The following FGF21 variants were observed in gnomAD, a reference collection of about 807,000 sequenced individuals.
The protein encoded by FGF21 is fibroblast growth factor 21.
FGF21 carries 13 observed loss-of-function variants against 13.4 expected under a neutral mutation model. The observed-to-expected ratio is 0.97, with a 90% CI of 0.63 to 1.54. The LOEUF (loss-of-function observed/expected upper bound fraction) is 1.54, where lower values mean the gene tolerates loss of function less well. Ranked by LOEUF, FGF21 falls within the 40% of genes most tolerant of loss-of-function variation. The pLI, the probability that FGF21 is intolerant of heterozygous loss-of-function variation, is 0.00. For synonymous variants in FGF21, 124 were observed against 123.6 expected, an observed-to-expected ratio of 1.00 and a Z score of -0.02; for missense variants, 303 against 272.4, an observed-to-expected ratio of 1.11 and a Z score of -0.79.
Position 48,758,306 on chromosome 19 carries a change from A to C in FGF21, c.*86A>C. The C allele has an allele frequency of 8.0e-7, 1 of 1,247,136 alleles. No homozygotes were observed. The highest frequency in any genetic ancestry group is 1.1e-6 in the Non-Finnish European group (1 of 927,246). 77.3% of individuals were successfully genotyped at this position (1,247,136 alleles called of 1,614,324 possible). On this transcript the variant is annotated 3_prime_UTR_variant, in exon 4 of 4. Transcript: ENST00000593756. Reference sequence around the variant, plus strand: ...TTTTTTTATTTTTCTTACTTGAGATAATAAAGAGTTCCAGAGGAGGATAAG... The same window carrying C: ...TTTTTTTATTTTTCTTACTTGAGATCATAAAGAGTTCCAGAGGAGGATAAG...
chr19:48,758,188 T>G lies in FGF21; in HGVS notation c.598T>G (p.Ser200Ala). Residue 200 changes from serine (S) to alanine (A), a missense_variant, in exon 4 of 4, where the codon TCC becomes GCC. Coordinates refer to ENST00000593756, the MANE Select transcript of FGF21 (RefSeq NM_019113.4). ...GGACCCTCTGAGCATGGTGGGACCT[T>G]CCCAGGGCCGAAGCCCCAGCTACGC... ...SSDPLSMVGP[S>A]QGRSPSYAS 2 of 1,611,464 alleles carry G rather than the reference T, an allele frequency of 1.2e-6. No homozygotes were observed. Among genetic ancestry groups the G allele is most frequent in the Non-Finnish European group, 1.7e-6 (2 of 1,179,274 alleles).
chr19:48,758,188 TCCCAGGGCC>T lies in FGF21; in HGVS notation c.599_607del (p.Ser200_Arg203delinsTer). 6.2e-7 allele frequency: 1 copy of T among 1,611,464 alleles called. No homozygotes were observed. On this transcript the variant is annotated stop_gained and inframe_deletion, in exon 4 of 4. Transcript: ENST00000593756. LOFTEE classifies it high-confidence loss of function. ...GGACCCTCTGAGCATGGTGGGACCTTCCCAGGGCCGAAGCCCCAGCTACGCTTCCTGAAG... is the reference window on the plus strand; with the variant it reads ...GGACCCTCTGAGCATGGTGGGACCTTGAAGCCCCAGCTACGCTTCCTGAAG...
intron 3 of FGF21, among the ~76,000 whole-genome samples, chr19:48,757,438 G>C (rs2034124278): frequency 6.6e-6 from 1 of 152,228 alleles, no homozygotes; most frequent in South Asian, 2.1e-4. Flanking sequence ...TGGCCTGAGA[G>C]AGCACTGATG....
rs1173924254 is a variant in FGF21, at chr19:48,758,182, G to C, written c.592G>C (p.Gly198Arg). The C allele has an allele frequency of 6.2e-7, 1 of 1,612,424 alleles. No individual in the cohort carries two copies. Among genetic ancestry groups the C allele is most frequent in the South Asian group, 1.1e-5 (1 of 91,038 alleles). ...VGSSDPLSMV[G>R]PSQGRSPSYA... The stretch of plus-strand genomic sequence containing the variant: ...CTCCTCGGACCCTCTGAGCATGGTG[G>C]GACCTTCCCAGGGCCGAAGCCCCAG... The change falls in exon 4 of 4, where the codon GGA (glycine) becomes CGA (arginine). Residue 198 changes from glycine to arginine, a missense_variant. Gly to Arg is a moderately radical substitution (Grantham distance 125). Coordinates refer to ENST00000593756, the MANE Select transcript of FGF21 (RefSeq NM_019113.4).
In FGF21 at chr19:48,758,118, G is replaced by T; in HGVS notation, c.528G>T (p.Glu176Asp). Residue 176 changes from glutamate to aspartate, a missense_variant, in exon 4 of 4, where the codon GAG becomes GAT. Transcript: ENST00000593756. ...CAGGCCTGCCCCCCGCACTCCCGGA[G>T]CCACCCGGAATCCTGGCCCCCCAGC... ...PLPGLPPALPEPPGILAPQPP... is the reference protein window; with the variant it reads ...PLPGLPPALPDPPGILAPQPP... 1.2e-6 allele frequency: 2 copies of T among 1,611,258 alleles called. No homozygotes were observed. Among genetic ancestry groups the T allele is most frequent in the South Asian group, 2.2e-5 (2 of 90,930 alleles).
At position 48,757,010 on chromosome 19, in the gene FGF21, A is replaced by G; in HGVS notation, c.320A>G (p.Asp107Gly). ...KTSRFLCQRP[D>G]GALYGSLHFD... is the part of the protein sequence containing the mutation. ...TCCAGGTTCCTGTGCCAGCGGCCAG[A>G]TGGGGCCCTGTATGGATCGGTGAGT... is the stretch of plus-strand genomic sequence containing the variant. Residue 107 changes from aspartate to glycine, a missense_variant, in exon 3 of 4, where the codon GAT becomes GGT. By Grantham distance (94) the Asp-to-Gly change is moderately conservative. Coordinates refer to ENST00000593756, the MANE Select transcript of FGF21 (RefSeq NM_019113.4). 2 of 1,614,002 alleles carry G rather than the reference A, an allele frequency of 1.2e-6. No homozygotes were observed. Among genetic ancestry groups the G allele is most frequent in the Non-Finnish European group, 1.7e-6 (2 of 1,179,900 alleles).
In FGF21 at chr19:48,758,106, C is replaced by A. The variant is rs885662; in HGVS notation, c.516C>A (p.Pro172=). Residue 172 remains proline, a synonymous_variant, in exon 4 of 4, where the codon CCC becomes CCA. Transcript: ENST00000593756. ...ARFLPLPGLP[P]ALPEPPGILA... is the part of the protein sequence containing the mutation. Reference sequence around the variant, plus strand: ...TCCTGCCACTACCAGGCCTGCCCCCCGCACTCCCGGAGCCACCCGGAATCC... The same window carrying A: ...TCCTGCCACTACCAGGCCTGCCCCCAGCACTCCCGGAGCCACCCGGAATCC... 32 of 1,611,372 alleles carry A rather than the reference C, an allele frequency of 2.0e-5. No individual in the cohort carries two copies. The highest frequency in any genetic ancestry group is 2.5e-5 in the Non-Finnish European group (30 of 1,179,262).
chr19:48,756,120 A>G lies in FGF21; in HGVS notation c.-117A>G. On this transcript the variant is annotated 5_prime_UTR_variant, in exon 2 of 4. Transcript: ENST00000593756. ...TGAGGATCCAGCCGAAAGAGGAGCC[A>G]GGCACTCAGGCCACCTGAGTCTACT... The G allele has an allele frequency of 1.3e-6, 1 of 774,226 alleles. No homozygotes were observed. Among genetic ancestry groups the G allele is most frequent in the Non-Finnish European group, 2.1e-6 (1 of 484,592 alleles). 48.0% of individuals were successfully genotyped at this position (774,226 alleles called of 1,614,324 possible).
chr19:48,757,679 G>A (rs1455216738), intron 3 of FGF21, among the ~76,000 whole-genome samples: 2 of 148,210 alleles, frequency 1.3e-5, no homozygotes, highest in Admixed American at 6.7e-5. Flanking sequence ...AGAGGCTGGG[G>A]CCTGGAACCC....
chr19:48,756,847 ATGGTGGGACAGAGTCGGG>A (rs1424871477), intron 2 of FGF21, 61 bp from the exon 3 acceptor site: 35 of 1,134,964 alleles, frequency 3.1e-5, no homozygotes, highest in East Asian at 2.1e-4. Context: ...ACAGAGCCGG[ATGGTGGGACAGAGTCGGG>A]TGGTGGGACA....
Position 48,756,218 on chromosome 19 carries a change from C to G in FGF21, c.-19C>G. ...TCCGAGCTCACACCCCGGAGATCAC[C>G]TGAGGACCCGAGCCATTGATGGACT... On this transcript the variant is annotated 5_prime_UTR_variant, in exon 2 of 4. Transcript: ENST00000593756. 1 of 1,606,010 alleles carries G rather than the reference C, an allele frequency of 6.2e-7. No homozygotes were observed. Among genetic ancestry groups the G allele is most frequent in the East Asian group, 2.2e-5 (1 of 44,706 alleles).
intron 3 of FGF21, among the ~76,000 whole-genome samples, chr19:48,757,629 G>A (rs1423810836): frequency 1.4e-5 from 2 of 144,894 alleles, no homozygotes; most frequent in Non-Finnish European, 3.0e-5. Flanking sequence ...GGGTCTGAGG[G>A]AGGAGGGGCT....
intron 2 of FGF21, 113 bp from the exon 3 acceptor site, chr19:48,756,813 T>C: frequency 1.2e-6 from 1 of 845,422 alleles, no homozygotes; most frequent in East Asian, 2.4e-5. Context: ...AGGTAGGCTG[T>C]GGGCTTGGAC....
rs767304819 is a variant in FGF21 at position 48,756,986 on chromosome 19, C to T, written c.296C>T (p.Ser99Phe). ...ATTCAAATCTTGGGAGTCAAGACAT[C>T]CAGGTTCCTGTGCCAGCGGCCAGAT... ...GVIQILGVKT[S>F]RFLCQRPDGA... The change falls in exon 3 of 4, where the codon TCC becomes TTC. Residue 99 changes from serine to phenylalanine, a missense_variant. By Grantham distance (155) the Ser-to-Phe change is radical (BLOSUM62 -2). Transcript: ENST00000593756. 1 of 1,614,092 alleles carries T rather than the reference C, an allele frequency of 6.2e-7. No homozygotes were observed. The highest frequency in any genetic ancestry group is 8.5e-7 in the Non-Finnish European group (1 of 1,179,982).
In FGF21 at chr19:48,758,019, G is replaced by A. The variant is rs371287829; in HGVS notation, c.429G>A (p.Pro143=). ...ACCAGTCCGAAGCCCACGGCCTCCC[G>A]CTGCACCTGCCAGGGAACAAGTCCC... ...NVYQSEAHGL[P]LHLPGNKSPH... The change falls in exon 4 of 4, where the codon CCG becomes CCA. Residue 143 remains proline, a synonymous_variant. Transcript: ENST00000593756. 7.7e-5 allele frequency: 125 copies of A among 1,613,050 alleles called. No homozygotes were observed. Among genetic ancestry groups the A allele is most frequent in the East Asian group, 5.4e-4 (24 of 44,818 alleles).
At position 48,756,301 on chromosome 19, in the gene FGF21, T is replaced by C; in HGVS notation, c.65T>C (p.Leu22Pro). The change falls in exon 2 of 4, where the codon CTG (leucine) becomes CCG (proline). Residue 22 changes from leucine to proline, a missense_variant. Physicochemically the swap from Leu to Pro is moderately conservative, Grantham distance 98. Coordinates refer to ENST00000593756, the MANE Select transcript of FGF21 (RefSeq NM_019113.4). The part of the protein sequence containing the change: ...GLWVSVLAGL[L>P]LGACQAHPIP... ...TGGGTTTCTGTGCTGGCTGGTCTTC[T>C]GCTGGGAGCCTGCCAGGCACACCCC... The C allele has an allele frequency of 6.2e-7, 1 of 1,614,098 alleles. No homozygotes were observed. The highest frequency in any genetic ancestry group is 8.5e-7 in the Non-Finnish European group (1 of 1,180,028).
chr19:48,757,420 A>C (rs838131), intron 3 of FGF21, among the ~76,000 whole-genome samples: 85,148 of 152,054 alleles, frequency 0.56, 24,380 homozygotes, highest in East Asian at 0.75. Context: ...CTAGGGAGAC[A>C]CCCCGCCTGG....
At chr19:48,756,844 C>A in intron 2 of FGF21, 82 bp from the exon 3 acceptor site, 2 of 1,116,662 alleles carry the variant, frequency 1.8e-6, no homozygotes, top group Non-Finnish European at 2.7e-6. Flanking sequence ...GGGACAGAGC[C>A]GGATGGTGGG....
rs373747907 is a variant in FGF21 at position 48,756,259 on chromosome 19, T to C, written c.23T>C (p.Phe8Ser). 8 of 1,613,780 alleles carry C rather than the reference T, an allele frequency of 5.0e-6. No individual in the cohort carries two copies. The African/African-American group carries it at 1.1e-4, about 22-fold the overall frequency. The change falls in exon 2 of 4, where the codon TTC becomes TCC. Residue 8 changes from phenylalanine (F) to serine (S), a missense_variant. Physicochemically the swap from Phe to Ser is radical, Grantham distance 155. Transcript: ENST00000593756. MDSDETG[F>S]EHSGLWVSVL... ...TTGATGGACTCGGACGAGACCGGGT[T>C]CGAGCACTCAGGACTGTGGGTTTCT...
Sources: allele counts gnomAD v4.1 joint callset (sites outside exome capture counted in the v4.1 genomes callset), GRCh38; gene constraint gnomAD v4.1.1; transcripts MANE v1.5; gene names NCBI Gene and HGNC (gene_info 2026-07-23, HGNC 2026-07-21).